Variants in PARD6G observed in about 807,000 individuals in gnomAD.
The protein encoded by PARD6G is par-6 family cell polarity regulator gamma.
PARD6G carries 7 observed loss-of-function variants against 10.7 expected under a neutral mutation model. That is an observed-to-expected ratio of 0.66 (90% CI 0.37 to 1.23). PARD6G has a LOEUF of 1.23. PARD6G is among the 50% of genes most tolerant of loss of function. The pLI, the probability that PARD6G is intolerant of heterozygous loss-of-function variation, is 0.02. For missense variants in PARD6G, 548 were observed against 571.8 expected, an observed-to-expected ratio of 0.96 and a Z score of 0.42; for synonymous variants, 287 against 269.4, an observed-to-expected ratio of 1.07 and a Z score of -0.64.
At chr18:80,240,539 G>T (rs932444443) in intron 1 of PARD6G, among the ~76,000 whole-genome samples, 7 of 152,132 alleles carry the variant, frequency 4.6e-5, no homozygotes, top group Non-Finnish European at 8.8e-5. Flanking sequence ...AACGCAGCTA[G>T]GGTTCTGAAC....
In PARD6G at chr18:80,202,835, T is replaced by C. The variant is rs974440168; in HGVS notation, c.170A>G (p.Asn57Ser). The change falls in exon 2 of 3, where the codon AAC becomes AGC. Residue 57 changes from asparagine to serine, a missense_variant. By Grantham distance (46) the Asn-to-Ser change is conservative. Around this residue, in one of 2 missense-constraint regions of PARD6G, gnomAD observed 235 missense variants for 291.9 expected, o/e 0.81. Coordinates refer to ENST00000353265, the MANE Select transcript of PARD6G (RefSeq NM_032510.4). The stretch of plus-strand genomic sequence containing the variant: ...TGCATAGCCAATAGTTACATCACTG[T>C]TGGAGATATGGTGGGTGTGCACAAC... Reference protein sequence around the residue: ...KLVVHTHHISNSDVTIGYADV... With the variant: ...KLVVHTHHISSSDVTIGYADV... 1.9e-6 allele frequency: 3 copies of C among 1,613,060 alleles called. No homozygotes were observed. The highest frequency in any genetic ancestry group is 2.5e-6 in the Non-Finnish European group (3 of 1,179,658).
At chr18:80,237,797 A>G (rs1368026657) in intron 1 of PARD6G, among the ~76,000 whole-genome samples, 1 of 152,184 alleles carries the variant, frequency 6.6e-6, no homozygotes, top group African/African-American at 2.4e-5. Flanking sequence ...CCACAATGAG[A>G]TACCATCTCA....
At chr18:80,204,013 C>T (rs1341169518) in intron 1 of PARD6G, among the ~76,000 whole-genome samples, 1 of 151,980 alleles carries the variant, frequency 6.6e-6, no homozygotes, top group Non-Finnish European at 1.5e-5. Context: ...TCCAGCAGAC[C>T]CCAACCCTGG....
chr18:80,214,310 C>A (rs10468816), intron 1 of PARD6G, among the ~76,000 whole-genome samples: 128,833 of 151,884 alleles, frequency 0.85, 54,764 homozygotes, highest in Non-Finnish European at 0.87. Flanking sequence ...ACATAAAGAC[C>A]AAAAATTAGC....
chr18:80,237,527 T>C (rs1967437309), intron 1 of PARD6G, among the ~76,000 whole-genome samples: 1 of 152,158 alleles, frequency 6.6e-6, no homozygotes, highest in Admixed American at 6.5e-5. Context: ...AAAGAACTTC[T>C]GCACAGCAAA....
intron 1 of PARD6G, among the ~76,000 whole-genome samples, chr18:80,221,160 C>G (rs1967224250): frequency 6.6e-6 from 1 of 152,098 alleles, no homozygotes; most frequent in Admixed American, 6.6e-5. Flanking sequence ...AAATCAAAAT[C>G]AAACCTTCAC....
chr18:80,185,210 C>T (rs545331711), intron 2 of PARD6G, among the ~76,000 whole-genome samples: 22 of 152,334 alleles, frequency 1.4e-4, no homozygotes, highest in African/African-American at 5.3e-4. Flanking sequence ...CCTTGGATAG[C>T]AGAATCTGGT....
rs1352228663 is a variant in PARD6G, at chr18:80,188,585, A to G, written c.295+14125T>C. ...CCATCCCAGCCCTCCTCGGATGCCC[A>G]GTTCGCCAGAGGAAGGGTCTCTCTG... On this transcript the variant is annotated intron_variant, in intron 2 of 2. Coordinates refer to ENST00000353265, the MANE Select transcript of PARD6G (RefSeq NM_032510.4). The surrounding 1 kb of genome is among the most constrained non-coding windows in gnomAD (Gnocchi z 5.4). Among the ~76,000 whole-genome samples the G allele has an allele frequency of 6.6e-6, 1 of 152,310 alleles. No individual in the cohort carries two copies. The highest frequency in any genetic ancestry group is 2.4e-5 in the African/African-American group (1 of 41,566).
Position 80,211,578 on chromosome 18 carries a change from C to G in PARD6G, c.73-8646G>C, listed in dbSNP as rs555237514. On this transcript the variant is annotated intron_variant, in intron 1 of 2. Coordinates refer to ENST00000353265, the MANE Select transcript of PARD6G (RefSeq NM_032510.4). ...CCTCTGGGTATATAACTAAAATAAC[C>G]GAAGGTGGAATCTGGAGGAGATATT... Among the ~76,000 whole-genome samples the G allele has an allele frequency of 4.9e-4, 74 of 152,236 alleles. 1 individual carries two copies. In the South Asian group the frequency reaches 0.015, roughly 32 times the overall value.
At chr18:80,216,820 T>TTG (rs1967172447) in intron 1 of PARD6G, among the ~76,000 whole-genome samples, 1 of 151,996 alleles carries the variant, frequency 6.6e-6, no homozygotes, top group Non-Finnish European at 1.5e-5. Flanking sequence ...AAATCAAAAG[T>TTG]TGGTTATTTG....
chr18:80,193,229 C>CT (rs1375050456), intron 2 of PARD6G, among the ~76,000 whole-genome samples: 2 of 152,140 alleles, frequency 1.3e-5, no homozygotes, highest in Non-Finnish European at 2.9e-5. Context: ...TACACAGGCG[C>CT]TGGGAGAAGC....
At position 80,188,539 on chromosome 18, in the gene PARD6G, G is replaced by A. The variant is rs1191568094; in HGVS notation, c.295+14171C>T. Among the ~76,000 whole-genome samples, 2 of 152,174 alleles carry A rather than the reference G, an allele frequency of 1.3e-5. No homozygotes were observed. The highest frequency in any genetic ancestry group is 2.4e-5 in the African/African-American group (1 of 41,432). ...AGGACCCTCCTAGTACAGGCGCCTC[G>A]ACCCAACTGTGCCAGCACAACCATC... is the stretch of plus-strand genomic sequence containing the variant. On this transcript the variant is annotated intron_variant, in intron 2 of 2. Coordinates refer to ENST00000353265, the MANE Select transcript of PARD6G (RefSeq NM_032510.4). The surrounding 1 kb of genome is among the most constrained non-coding windows in gnomAD (Gnocchi z 5.4).
chr18:80,236,299 C>G (rs1967421779), intron 1 of PARD6G, among the ~76,000 whole-genome samples: 1 of 152,174 alleles, frequency 6.6e-6, no homozygotes, highest in South Asian at 2.1e-4. Flanking sequence ...CAAAATTCAA[C>G]AATGCTTCAT....
intron 2 of PARD6G, among the ~76,000 whole-genome samples, chr18:80,176,732 C>T (rs1166771458): frequency 2.6e-5 from 4 of 152,288 alleles, no homozygotes; most frequent in South Asian, 2.1e-4. Context: ...GGCCGAGCTC[C>T]CGACAGGGCA....
At chr18:80,221,509 T>C (rs1967228788) in intron 1 of PARD6G, among the ~76,000 whole-genome samples, 1 of 152,212 alleles carries the variant, frequency 6.6e-6, no homozygotes, top group Non-Finnish European at 1.5e-5. Context: ...AACACTCTTT[T>C]ATGATTAAAA....
chr18:80,204,351 G>A (rs1334694313), intron 1 of PARD6G, among the ~76,000 whole-genome samples: 2 of 152,132 alleles, frequency 1.3e-5, no homozygotes, highest in East Asian at 3.8e-4. Flanking sequence ...GGATTTGACT[G>A]TGCTGAGGTA....
At chr18:80,225,989 CTTCT>C (rs1268552543) in intron 1 of PARD6G, among the ~76,000 whole-genome samples, 1 of 152,006 alleles carries the variant, frequency 6.6e-6, no homozygotes, top group Admixed American at 6.6e-5. Context: ...TTCTTCCAGG[CTTCT>C]TTAACATGTA....
chr18:80,221,154 C>G (rs983742584), intron 1 of PARD6G, among the ~76,000 whole-genome samples: 4 of 152,114 alleles, frequency 2.6e-5, no homozygotes, highest in African/African-American at 9.7e-5. Context: ...TTCACAAAAT[C>G]AAAATCAAAC....
rs1263589619 is a variant in PARD6G, at chr18:80,182,986, C to T, written c.295+19724G>A. 1.5e-5 allele frequency: 10 copies of T among 658,290 alleles called. No homozygotes were observed. Among genetic ancestry groups the T allele is most frequent in the South Asian group, 6.7e-5 (4 of 60,136 alleles). 40.8% of individuals were successfully genotyped at this position (658,290 alleles called of 1,614,324 possible). ...CCCTCCCAGTCCTCCTTCGTCCTGA[C>T]GTGGCTCCCAGTGGAATGAGATGGC... is the stretch of plus-strand genomic sequence containing the variant. On this transcript the variant is annotated intron_variant, in intron 2 of 2. Coordinates refer to ENST00000353265, the MANE Select transcript of PARD6G (RefSeq NM_032510.4). This position sits in a 1 kb window ranked among gnomAD's most constrained non-coding sequence, Gnocchi z 4.5.
Sources: allele counts gnomAD v4.1 joint callset (sites outside exome capture counted in the v4.1 genomes callset), GRCh38; gene constraint gnomAD v4.1.1; regional missense constraint gnomAD v4.1.1; non-coding constraint Gnocchi (gnomAD v3.1); transcripts MANE v1.5; gene names NCBI Gene and HGNC (gene_info 2026-07-23, HGNC 2026-07-21).